The following ADGRL2 variants were observed in gnomAD, a reference collection of about 807,000 sequenced individuals.
The protein encoded by ADGRL2 is adhesion G protein-coupled receptor L2.
Under a neutral mutation model 157.4 loss-of-function variants are expected in ADGRL2, and 44 were observed. The observed-to-expected ratio is 0.28, with a 90% CI of 0.22 to 0.36. The LOEUF (loss-of-function observed/expected upper bound fraction) is 0.36. Among genes scored for constraint, ADGRL2 ranks in the 10% least tolerant of loss-of-function variants. The pLI is 1.00. For synonymous variants in ADGRL2, 585 were observed against 624.7 expected (o/e 0.94, Z 0.95); for missense variants, 1,510 against 1,768.9 (o/e 0.85, Z 2.63).
intron 3 of ADGRL2, among the ~76,000 whole-genome samples, chr1:81,638,580 A>G (rs2082157130): frequency 6.6e-6 from 1 of 152,220 alleles, no homozygotes; most frequent in Admixed American, 6.5e-5. Flanking sequence ...ATACTACCCT[A>G]GAAATGACAT....
At chr1:81,738,591 G>A (rs1206114809) in intron 1 of ADGRL2, among the ~76,000 whole-genome samples, 1 of 152,180 alleles carries the variant, frequency 6.6e-6, no homozygotes, top group African/African-American at 2.4e-5. Flanking sequence ...GGCTGACATG[G>A]CAGTTCAGGT....
At chr1:81,982,803 A>G (rs960700591) in intron 19 of ADGRL2, among the ~76,000 whole-genome samples, 1 of 152,012 alleles carries the variant, frequency 6.6e-6, no homozygotes, top group African/African-American at 2.4e-5. Context: ...ACTGACAGAT[A>G]ATGTATATTC....
chr1:81,460,898 C>A (rs922083036), intron 2 of ADGRL2, among the ~76,000 whole-genome samples: 1 of 152,148 alleles, frequency 6.6e-6, no homozygotes, highest in Non-Finnish European at 1.5e-5. Flanking sequence ...TCTTGCATGT[C>A]TCTGTCAAGT....
intron 16 of ADGRL2, among the ~76,000 whole-genome samples, chr1:81,970,812 A>G (rs1439350510): frequency 6.6e-6 from 1 of 152,194 alleles, no homozygotes; most frequent in African/African-American, 2.4e-5. Flanking sequence ...TTTTGGCCTT[A>G]GAAAGATATT....
intron 2 of ADGRL2, among the ~76,000 whole-genome samples, chr1:81,780,353 TC>T (rs1352699529): frequency 6.6e-6 from 1 of 152,166 alleles, no homozygotes; most frequent in Admixed American, 6.5e-5. Context: ...GAAGGTGGAT[TC>T]TATTCCTGAC....
At chr1:81,827,005 A>G (rs1253458401) in intron 1 of ADGRL2, among the ~76,000 whole-genome samples, 3 of 150,542 alleles carry the variant, frequency 2.0e-5, no homozygotes, top group Non-Finnish European at 4.4e-5. Context: ...TTAAATTTTA[A>G]GGAACAGTAG....
At chr1:81,864,375 A>T (rs1413567649) in intron 2 of ADGRL2, among the ~76,000 whole-genome samples, 2 of 152,126 alleles carry the variant, frequency 1.3e-5, no homozygotes, top group Non-Finnish European at 2.9e-5. Flanking sequence ...AAAAAAATTG[A>T]TTGTAATTTC....
At chr1:81,719,955 T>C (rs1294282541) in intron 1 of ADGRL2, among the ~76,000 whole-genome samples, 1 of 151,978 alleles carries the variant, frequency 6.6e-6, no homozygotes, top group Non-Finnish European at 1.5e-5. Flanking sequence ...CATGTCCAGG[T>C]ACCACATTCC....
At chr1:81,713,914 A>G (rs996716747) in intron 1 of ADGRL2, among the ~76,000 whole-genome samples, 4 of 152,184 alleles carry the variant, frequency 2.6e-5, no homozygotes, top group African/African-American at 7.2e-5. Flanking sequence ...TTTATAAAGA[A>G]AAAAAGGTTT....
At chr1:81,934,427 A>G (rs971244383) in intron 3 of ADGRL2, among the ~76,000 whole-genome samples, 3 of 152,074 alleles carry the variant, frequency 2.0e-5, no homozygotes, top group Admixed American at 6.6e-5. Flanking sequence ...CATTCATCCA[A>G]TTACTTCTGG....
At chr1:81,701,045 AGACAGGGTACG>A (rs2083560469) in intron 1 of ADGRL2, among the ~76,000 whole-genome samples, 1 of 152,250 alleles carries the variant, frequency 6.6e-6, no homozygotes. Context: ...GCTGGCAAGC[AGACAGGGTACG>A]GCACACACGG....
chr1:81,635,939 A>G (rs1003096501), intron 3 of ADGRL2, among the ~76,000 whole-genome samples: 58 of 152,232 alleles, frequency 3.8e-4, no homozygotes, highest in African/African-American at 1.4e-3. Context: ...TGAGTTTATC[A>G]GCTGCCTCAC....
At chr1:81,395,055 T>G (rs12074599) in intron 1 of ADGRL2, among the ~76,000 whole-genome samples, 27,596 of 151,966 alleles carry the variant, frequency 0.18, 2,697 homozygotes, top group African/African-American at 0.24. Context: ...TGTGCCACCA[T>G]GCCCAGCCAC....
chr1:81,504,657 G>T (rs1180374615), intron 2 of ADGRL2, among the ~76,000 whole-genome samples: 1 of 152,156 alleles, frequency 6.6e-6, no homozygotes, highest in African/African-American at 2.4e-5. Context: ...GATCACGGGG[G>T]CGGGGAGGTG....
intron 1 of ADGRL2, among the ~76,000 whole-genome samples, chr1:81,342,118 GAATTAT>G (rs1662118185): frequency 6.6e-6 from 1 of 152,026 alleles, no homozygotes; most frequent in Non-Finnish European, 1.5e-5. Flanking sequence ...TATAGGGCTA[GAATTAT>G]AATACAACAA....
At chr1:81,705,429 G>T (rs529864349) in intron 1 of ADGRL2, among the ~76,000 whole-genome samples, 2 of 152,164 alleles carry the variant, frequency 1.3e-5, no homozygotes, top group South Asian at 4.1e-4. Flanking sequence ...TGTGTTTTTA[G>T]TGGAGACGGG....
chr1:81,732,465 G>A (rs186330781), intron 1 of ADGRL2, among the ~76,000 whole-genome samples: 71 of 152,246 alleles, frequency 4.7e-4, no homozygotes, highest in Non-Finnish European at 8.2e-4. Flanking sequence ...TGCCAGCACA[G>A]CCTTACAGAG....
chr1:81,606,008 C>G (rs1293302123), intron 3 of ADGRL2, among the ~76,000 whole-genome samples: 1 of 152,114 alleles, frequency 6.6e-6, no homozygotes, highest in African/African-American at 2.4e-5. Flanking sequence ...CAAATGGAAA[C>G]ACCATTTGTC....
intron 1 of ADGRL2, among the ~76,000 whole-genome samples, chr1:81,400,150 G>A (rs1437752201): frequency 1.3e-5 from 2 of 152,010 alleles, no homozygotes; most frequent in East Asian, 3.9e-4. Flanking sequence ...AAGGGCTTTG[G>A]GGGGGTCCTT....
Sources: allele counts gnomAD v4.1 joint callset (sites outside exome capture counted in the v4.1 genomes callset), GRCh38; gene constraint gnomAD v4.1.1; transcripts MANE v1.5; gene names NCBI Gene and HGNC (gene_info 2026-07-23, HGNC 2026-07-21).